The following SENP1 variants were observed in gnomAD, a reference collection of about 807,000 sequenced individuals.
SENP1 encodes the protein SUMO specific peptidase 1.
In SENP1, 21 loss-of-function variants were observed where a neutral mutation model predicts 93.0. The observed-to-expected ratio is 0.23, with a 90% confidence interval of 0.16 to 0.33. SENP1 has a LOEUF of 0.33. Among genes scored for constraint, SENP1 ranks in the 10% least tolerant of loss-of-function variants. SENP1 has a pLI of 1.00. For synonymous variants in SENP1, 256 were observed against 259.6 expected (o/e 0.99, Z 0.13); for missense variants, 591 against 758.7 (o/e 0.78, Z 2.60).
intron 8 of SENP1, among the ~76,000 whole-genome samples, chr12:48,073,439 A>C (rs779155932): frequency 4.6e-5 from 7 of 152,060 alleles, no homozygotes; most frequent in Non-Finnish European, 7.4e-5. Context: ...AACCTCAAAC[A>C]ACCTGAGAAA....
Position 48,074,360 on chromosome 12 carries a change from G to C in SENP1, c.904C>G (p.Pro302Ala), listed in dbSNP as rs749476988. Residue 302 changes from proline (P) to alanine (A), a missense_variant, in exon 8 of 18, where the codon CCA becomes GCA. By Grantham distance (27) the Pro-to-Ala change is conservative. This residue lies in a region of SENP1 where 238 missense variants were observed against 259.1 expected (regional missense o/e 0.92). Transcript: ENST00000549518. ...PHHHHSVPHQ[P>A]DNLAASNTQS... ...GTATTTGAAGCTGCTAAGTTATCTG[G>C]CTGATGTGGAACAGAGTGGTGATGA... The C allele has an allele frequency of 1.2e-6, 2 of 1,613,586 alleles. No homozygotes were observed. The highest frequency in any genetic ancestry group is 1.7e-6 in the Non-Finnish European group (2 of 1,179,626).
chr12:48,059,919 T>C (rs966732730), intron 13 of SENP1, among the ~76,000 whole-genome samples: 3 of 152,176 alleles, frequency 2.0e-5, no homozygotes, highest in Non-Finnish European at 2.9e-5. Flanking sequence ...ACATAAACTA[T>C]TGACACCTGT....
chr12:48,086,208 T>C (rs928456106), intron 5 of SENP1, among the ~76,000 whole-genome samples: 1 of 152,220 alleles, frequency 6.6e-6, no homozygotes. Flanking sequence ...AAACTGGTAA[T>C]GAAAAAGAAA....
intron 2 of SENP1, among the ~76,000 whole-genome samples, chr12:48,099,962 T>C (rs562854919): frequency 6.6e-6 from 1 of 152,234 alleles, no homozygotes; most frequent in South Asian, 2.1e-4. Context: ...AGAGCTAGAA[T>C]AGAAGCAATA....
chr12:48,070,605 T>C (rs1287547009), intron 9 of SENP1, among the ~76,000 whole-genome samples: 2 of 152,170 alleles, frequency 1.3e-5, no homozygotes, highest in Non-Finnish European at 2.9e-5. Flanking sequence ...TCTCAGTAAA[T>C]ATTTGTTAAA....
At chr12:48,105,938 A>C in intron 1 of SENP1, 90 bp downstream of exon 1, 1 of 688,686 alleles carries the variant, frequency 1.5e-6, no homozygotes, top group South Asian at 1.5e-5. Flanking sequence ...CGCCCAGTCC[A>C]GCCCGGGCCG....
chr12:48,101,571 T>G (rs1242914752), intron 1 of SENP1, 55 bp from the exon 2 acceptor site: 1 of 924,060 alleles, frequency 1.1e-6, no homozygotes, highest in African/African-American at 1.7e-5. Flanking sequence ...CTACTTCACT[T>G]AATTTTAGAA....
intron 1 of SENP1, 53 bp from the exon 2 acceptor site, chr12:48,101,569 C>G (rs1443070352): frequency 4.2e-6 from 4 of 946,462 alleles, no homozygotes; most frequent in Non-Finnish European, 6.6e-6. Context: ...ACCTACTTCA[C>G]TTAATTTTAG....
intron 6 of SENP1, among the ~76,000 whole-genome samples, chr12:48,079,586 G>A (rs10747529): frequency 0.52 from 79,176 of 151,982 alleles, 20,969 homozygotes; most frequent in East Asian, 0.83. Context: ...CTAATGTTAC[G>A]TTTTAAAACC....
At chr12:48,085,558 G>A (rs1298599740) in intron 5 of SENP1, 4 of 471,370 alleles carry the variant, frequency 8.5e-6, no homozygotes, top group Non-Finnish European at 1.5e-5. Flanking sequence ...CCATTAAGAG[G>A]CTAGGTGAGG....
At chr12:48,085,091 G>A in intron 5 of SENP1, 1 of 1,375,588 alleles carries the variant, frequency 7.3e-7, no homozygotes, top group Non-Finnish European at 1.0e-6. Flanking sequence ...TCATCGCAGT[G>A]ATCAGAGACA....
At chr12:48,104,672 T>C (rs1033523421) in intron 1 of SENP1, among the ~76,000 whole-genome samples, 4 of 152,060 alleles carry the variant, frequency 2.6e-5, no homozygotes, top group African/African-American at 9.7e-5. Flanking sequence ...CGCAAGACAG[T>C]AGAGCTGGTA....
At position 48,063,351 on chromosome 12, in the gene SENP1, T is replaced by C. The variant is rs116011135; in HGVS notation, c.1407+359A>G. ...GGATTCCTATAAAGAAATCCCACAG[T>C]ATTCCCTCATGCTGCAACATGGTCG... On this transcript the variant is annotated intron_variant, in intron 13 of 17. Coordinates refer to ENST00000549518, the MANE Select transcript of SENP1 (RefSeq NM_001267594.2). Among the ~76,000 whole-genome samples the C allele has an allele frequency of 6.3e-3, 961 of 152,304 alleles. 11 individuals are homozygous for C. The highest frequency in any genetic ancestry group is 0.022 in the African/African-American group (900 of 41,564).
Position 48,078,648 on chromosome 12 carries a change from G to A in SENP1, c.553-3855C>T, listed in dbSNP as rs907823200. Among the ~76,000 whole-genome samples the A allele has an allele frequency of 5.9e-5, 9 of 151,972 alleles. No homozygotes were observed. In the South Asian group the frequency reaches 1.9e-3, roughly 32 times the overall value. On this transcript the variant is annotated intron_variant, in intron 6 of 17. Coordinates refer to ENST00000549518, the MANE Select transcript of SENP1 (RefSeq NM_001267594.2). ...CAATTCTCCTGCCTCAGCCTCCTGA[G>A]TAGCTGGGATTACAGGCACCCGCCA... is the stretch of plus-strand genomic sequence containing the variant.
chr12:48,074,603 G>A lies in SENP1; in HGVS notation c.661C>T (p.Arg221Ter). 1.2e-6 allele frequency: 2 copies of A among 1,611,338 alleles called. No homozygotes were observed. The highest frequency in any genetic ancestry group is 1.7e-6 in the Non-Finnish European group (2 of 1,178,254). The change falls in exon 8 of 18, where the codon CGA becomes TGA. Residue 221 changes from arginine to a stop codon, truncating the protein, a stop_gained. Transcript: ENST00000549518. LOFTEE classifies it high-confidence loss of function. Reference protein sequence around the residue: ...PTTHFPLHLSRCLSSSKNTLK... With the variant: ...PTTHFPLHLS Reference sequence around the variant, plus strand: ...GTATTTTTACTGGAACTAAGACATCGAGACCTAGCAAGAGAAGAATATTGT... The same window carrying A: ...GTATTTTTACTGGAACTAAGACATCAAGACCTAGCAAGAGAAGAATATTGT...
chr12:48,061,818 C>G (rs1436726594), intron 13 of SENP1, among the ~76,000 whole-genome samples: 2 of 152,158 alleles, frequency 1.3e-5, no homozygotes, highest in African/African-American at 4.8e-5. Flanking sequence ...AAGTATGGTA[C>G]TTTGAAAATG....
chr12:48,069,221 CAGAG>C (rs1465503051), intron 9 of SENP1, among the ~76,000 whole-genome samples: 1 of 143,282 alleles, frequency 7.0e-6, no homozygotes, highest in Non-Finnish European at 1.5e-5. Flanking sequence ...ACCAAGTAGA[CAGAG>C]AGAGAAAGGG....
At chr12:48,069,076 C>G (rs534602843) in intron 9 of SENP1, among the ~76,000 whole-genome samples, 3 of 146,588 alleles carry the variant, frequency 2.0e-5, no homozygotes, top group African/African-American at 7.8e-5. Flanking sequence ...TCACTTGAAC[C>G]CGGGAGGCGG....
intron 4 of SENP1, among the ~76,000 whole-genome samples, chr12:48,094,685 A>ATAG (rs1258230603): frequency 6.6e-6 from 1 of 152,000 alleles, no homozygotes; most frequent in African/African-American, 2.4e-5. Context: ...ATCTCAAAAA[A>ATAG]TAATAATAAT....
Sources: gnomAD v4.1 joint callset for allele counts (sites outside exome capture counted in the v4.1 genomes callset) on GRCh38, gnomAD v4.1.1 for gene constraint, gnomAD v4.1.1 regional missense constraint, MANE v1.5 for transcripts, NCBI Gene and HGNC (gene_info 2026-07-23, HGNC 2026-07-21) for gene names.